Variants in CHODL observed in about 807,000 individuals in gnomAD.
CHODL encodes transmembrane protein MT75.
In CHODL, 29 loss-of-function variants were observed where a neutral mutation model predicts 34.5. The ratio of observed to expected loss-of-function variants is 0.84; its 90% CI spans 0.63 to 1.15. CHODL has a LOEUF of 1.15. CHODL is among the 50% of genes most tolerant of loss of function. CHODL has a pLI of 0.00. For synonymous variants in CHODL, 125 were observed against 116.1 expected (o/e 1.08, Z -0.49); for missense variants, 332 against 332.5 (o/e 1.00, Z 0.01).
chr21:18,006,579 G>T (rs1205995641), intron 1 of CHODL, among the ~76,000 whole-genome samples: 1 of 152,150 alleles, frequency 6.6e-6, no homozygotes, highest in Non-Finnish European at 1.5e-5. Flanking sequence ...GGGACTTAGT[G>T]TTTATAAGTG....
rs80251237 is a variant in CHODL, at chr21:18,068,891, C to T, written c.-45+40920C>T. Among the ~76,000 whole-genome samples the T allele has an allele frequency of 8.1e-3, 1,230 of 151,772 alleles. 21 individuals are homozygous for T. Among genetic ancestry groups the T allele is most frequent in the African/African-American group, 0.028 (1,168 of 41,370 alleles). On this transcript the variant is annotated intron_variant, in intron 2 of 6. Coordinates refer to the CHODL transcript ENST00000400127. The stretch of plus-strand genomic sequence containing the variant: ...GTTAATCTGCTACAGTTTCTTATGA[C>T]TCCTGGGTAAGAGACAAAGAATCAT...
At chr21:18,158,849 AAAAAAAG>A (rs1692287793) in intron 2 of CHODL, among the ~76,000 whole-genome samples, 1 of 151,546 alleles carries the variant, frequency 6.6e-6, no homozygotes, top group African/African-American at 2.4e-5. Context: ...AAAAAAAAAA[AAAAAAAG>A]AAGAAGAAAA....
intron 2 of CHODL, among the ~76,000 whole-genome samples, chr21:18,033,203 G>C (rs1249015762): frequency 1.3e-5 from 2 of 151,924 alleles, no homozygotes; most frequent in Non-Finnish European, 2.9e-5. Context: ...GGACAAGAAA[G>C]TTCAAAATTT....
rs1038937142 is a variant in CHODL, at chr21:18,020,669, A to G, written c.-144-7203A>G. ...CCTCATTTTACTGCATTTGTTATAG[A>G]CTGAATGTTTGGGTCTCTACAAAAT... On this transcript the variant is annotated intron_variant, in intron 1 of 6. Transcript: ENST00000400127. Among the ~76,000 whole-genome samples, 29 of 152,216 alleles carry G rather than the reference A, an allele frequency of 1.9e-4. 1 individual carries two copies. In the East Asian group the frequency reaches 2.5e-3, roughly 13 times the overall value.
At chr21:18,042,291 C>A (rs190447594) in intron 2 of CHODL, among the ~76,000 whole-genome samples, 6 of 152,012 alleles carry the variant, frequency 3.9e-5, no homozygotes, top group Admixed American at 2.0e-4. Context: ...CTCCCCACCC[C>A]CTTCTGCAAA....
chr21:18,245,850 CA>C, intron 1 of CHODL: 1 of 1,426,232 alleles, frequency 7.0e-7, no homozygotes, highest in East Asian at 2.5e-5. Flanking sequence ...GAAGTGTGGT[CA>C]TTGCGTGTAG....
chr21:18,105,485 G>C (rs370323391), intron 2 of CHODL, among the ~76,000 whole-genome samples: 1 of 152,212 alleles, frequency 6.6e-6, no homozygotes, highest in Middle Eastern at 3.4e-3. Flanking sequence ...GGATTTTGTT[G>C]CTTGAAATTA....
intron 1 of CHODL, among the ~76,000 whole-genome samples, chr21:17,979,452 T>C (rs1890935556): frequency 6.6e-6 from 1 of 152,196 alleles, no homozygotes; most frequent in African/African-American, 2.4e-5. Context: ...TTTGAATTTT[T>C]GGTTCTAATT....
At chr21:18,061,704 G>A (rs150506183) in intron 2 of CHODL, among the ~76,000 whole-genome samples, 98 of 152,278 alleles carry the variant, frequency 6.4e-4, no homozygotes, top group Non-Finnish European at 1.3e-3. Context: ...CCACAATTTC[G>A]TGGTGGTGGT....
At chr21:18,226,803 AT>A (rs984500647) in intron 2 of CHODL, among the ~76,000 whole-genome samples, 29 of 151,982 alleles carry the variant, frequency 1.9e-4, no homozygotes, top group Non-Finnish European at 4.0e-4. Context: ...AGTAGTAGTA[AT>A]TTTTTTCTCC....
chr21:18,112,720 G>C (rs1000744405), intron 2 of CHODL, among the ~76,000 whole-genome samples: 1 of 152,126 alleles, frequency 6.6e-6, no homozygotes, highest in South Asian at 2.1e-4. Flanking sequence ...ATAGGCAAAA[G>C]AATTAAACTA....
intron 2 of CHODL, among the ~76,000 whole-genome samples, chr21:18,031,612 A>G (rs929739859): frequency 1.3e-5 from 2 of 152,090 alleles, no homozygotes; most frequent in Non-Finnish European, 2.9e-5. Flanking sequence ...GTAGATCAGC[A>G]TACTATTAAA....
intron 2 of CHODL, among the ~76,000 whole-genome samples, chr21:18,116,912 G>C (rs1601025166): frequency 6.6e-6 from 1 of 152,192 alleles, no homozygotes; most frequent in East Asian, 1.9e-4. Context: ...ATGCTAACAA[G>C]TTGGAGCACC....
rs940992769 is a variant in CHODL, at chr21:18,257,315, G to A, written c.547+188G>A. Among the ~76,000 whole-genome samples the A allele has an allele frequency of 4.6e-5, 7 of 152,034 alleles. No individual in the cohort carries two copies. In the South Asian group the frequency reaches 1.4e-3, roughly 31 times the overall value. The stretch of plus-strand genomic sequence containing the variant: ...TGCTGTAGAGCAAACTGTCCAATGA[G>A]CTCAAAGAAGAGAGTAAATAAAAAC... On this transcript the variant is annotated intron_variant, in intron 3 of 5. Transcript: ENST00000299295.
chr21:18,232,942 GATATATATATAT>G lies in CHODL; in HGVS notation c.-44-23548_-44-23537del, dbSNP rs371388519. On this transcript the variant is annotated intron_variant, in intron 2 of 6. Transcript: ENST00000400127. ...AATTATGGGGTCCACATGATGTTAT[GATATATATATAT>G]ATATATATATATATATATGTATATA... 3.1e-3 allele frequency among the ~76,000 whole-genome samples: 368 copies of G among 119,408 alleles called. 8 individuals are homozygous for G. The highest frequency in any genetic ancestry group is 0.013 in the African/African-American group (349 of 27,164). The allele number at this position is 119,408 out of a possible 152,430, so 78.3% of individuals were successfully genotyped here.
chr21:18,172,715 T>C (rs2073247110), intron 2 of CHODL, among the ~76,000 whole-genome samples: 1 of 152,202 alleles, frequency 6.6e-6, no homozygotes, highest in Non-Finnish European at 1.5e-5. Context: ...CCTTGTTCCC[T>C]CATTGCAGAA....
intron 2 of CHODL, among the ~76,000 whole-genome samples, chr21:18,098,313 G>C (rs2065165284): frequency 6.6e-6 from 1 of 151,844 alleles, no homozygotes; most frequent in Non-Finnish European, 1.5e-5. Flanking sequence ...CTACCCATAT[G>C]ATAAGGAATT....
intron 2 of CHODL, among the ~76,000 whole-genome samples, chr21:18,218,986 G>T (rs2073857509): frequency 1.3e-5 from 2 of 152,098 alleles, no homozygotes; most frequent in Admixed American, 6.6e-5. Flanking sequence ...TCTCTTAGAA[G>T]TTCCAAACTT....
At chr21:18,005,688 T>C (rs890286808) in intron 1 of CHODL, among the ~76,000 whole-genome samples, 1 of 152,202 alleles carries the variant, frequency 6.6e-6, no homozygotes, top group Non-Finnish European at 1.5e-5. Flanking sequence ...CTCCAAGAGC[T>C]TGACTATCAC....
Sources: gnomAD v4.1 joint callset for allele counts (sites outside exome capture counted in the v4.1 genomes callset) on GRCh38, gnomAD v4.1.1 for gene constraint, MANE v1.5 for transcripts, NCBI Gene and HGNC (gene_info 2026-07-23, HGNC 2026-07-21) for gene names.